BPTF: variants seen among roughly 807,000 people sequenced by gnomAD.
The protein encoded by BPTF is bromodomain PHD finger transcription factor.
In BPTF, 18 loss-of-function variants were observed where a neutral mutation model predicts 292.5. That is an observed-to-expected ratio of 0.06 (90% CI 0.04 to 0.09). The LOEUF is 0.09. Among genes scored for constraint, BPTF ranks in the 10% least tolerant of loss-of-function variants. The probability of loss-of-function intolerance (pLI) is 1.00; values close to 1 mark genes in which losing one functional copy is unlikely to be tolerated. For missense variants in BPTF, 2,726 were observed against 3,498.7 expected (o/e 0.78, Z 5.57); for synonymous variants, 1,225 against 1,251.9 (o/e 0.98, Z 0.45).
rs1446433472 is a variant in BPTF at position 67,854,939 on chromosome 17, G to A, written c.1436+177G>A. On this transcript the variant is annotated intron_variant, in intron 2 of 27. Transcript: ENST00000306378. The surrounding 1 kb of genome is among the most constrained non-coding windows in gnomAD (Gnocchi z 5.6). ...GTGCATTAAAATAGCTTTTAAGAAG[G>A]TAAAGGAAACATATATGAAAGAAGC... 6.6e-6 allele frequency among the ~76,000 whole-genome samples: 1 copy of A among 152,182 alleles called. No individual in the cohort carries two copies. The highest frequency in any genetic ancestry group is 1.5e-5 in the Non-Finnish European group (1 of 68,034).
chr17:67,960,907 C>T (rs1433316508), intron 24 of BPTF, among the ~76,000 whole-genome samples: 1 of 152,146 alleles, frequency 6.6e-6, no homozygotes, highest in Non-Finnish European at 1.5e-5. Context: ...GAGCTGTGTG[C>T]TGAATTAAAC....
Position 67,912,526 on chromosome 17 carries a change from C to G in BPTF, c.4642C>G (p.Pro1548Ala), listed in dbSNP as rs1288491301. 1.9e-6 allele frequency: 3 copies of G among 1,613,824 alleles called. No individual in the cohort carries two copies. Among genetic ancestry groups the G allele is most frequent in the Non-Finnish European group, 2.5e-6 (3 of 1,179,936 alleles). ...TSEVKKVTSSPITSEEESNLS... is the reference protein window; with the variant it reads ...TSEVKKVTSSAITSEEESNLS... ...AGAAGTTAAGAAAGTTACTTCATCA[C>G]CTATTACTTCTGAAGAGGAATCTAA... The change falls in exon 11 of 28, where the codon CCT (proline) becomes GCT (alanine). Residue 1548 changes from proline to alanine, a missense_variant. Transcript: ENST00000306378.
At chr17:67,968,796 AAAG>A (rs1196731330) in intron 26 of BPTF, among the ~76,000 whole-genome samples, 16 of 150,218 alleles carry the variant, frequency 1.1e-4, no homozygotes, top group South Asian at 2.1e-4. Context: ...CAAAAAAAAA[AAAG>A]AAAGAAAATT....
chr17:67,924,417 A>G, intron 14 of BPTF, 130 bp from the exon 15 acceptor site: 1 of 984,636 alleles, frequency 1.0e-6, no homozygotes, highest in Non-Finnish European at 1.5e-6. Flanking sequence ...GCACAACCAA[A>G]TGTTTTATTT....
At chr17:67,833,135 C>T (rs1008638784) in intron 1 of BPTF, among the ~76,000 whole-genome samples, 1 of 152,038 alleles carries the variant, frequency 6.6e-6, no homozygotes, top group African/African-American at 2.4e-5. Flanking sequence ...AAAGTGGAAT[C>T]ATATAATATA....
At chr17:67,973,383 AT>A (rs1435945048) in intron 26 of BPTF, among the ~76,000 whole-genome samples, 1 of 151,906 alleles carries the variant, frequency 6.6e-6, no homozygotes, top group Non-Finnish European at 1.5e-5. Flanking sequence ...AGAAAAAAAA[AT>A]AAAATATATA....
At chr17:67,955,117 G>C (rs575221863) in intron 23 of BPTF, among the ~76,000 whole-genome samples, 3 of 151,742 alleles carry the variant, frequency 2.0e-5, no homozygotes, top group African/African-American at 7.3e-5. Context: ...GTGAAACCTA[G>C]TCACTACTAA....
At chr17:67,928,660 C>G in intron 16 of BPTF, 59 bp downstream of exon 16, 1 of 1,497,760 alleles carries the variant, frequency 6.7e-7, no homozygotes, top group East Asian at 2.3e-5. Flanking sequence ...ATTTTCAACC[C>G]TTTAGCTACT....
At position 67,920,156 on chromosome 17, in the gene BPTF, A is replaced by G; in HGVS notation, c.5557+13A>G. 1 of 1,604,940 alleles carries G rather than the reference A, an allele frequency of 6.2e-7. No individual in the cohort carries two copies. Among genetic ancestry groups the G allele is most frequent in the South Asian group, 1.1e-5 (1 of 89,960 alleles). ...GAAACACCAAAAGGTAAGAAATAGA[A>G]TTCTATTCTTTCATGATTAACCTGT... On this transcript the variant is annotated intron_variant, in intron 13 of 27. Coordinates refer to ENST00000306378, the MANE Select transcript of BPTF (RefSeq NM_182641.4).
intron 24 of BPTF, 156 bp downstream of exon 24, chr17:67,960,031 A>G: frequency 3.4e-6 from 2 of 592,594 alleles, no homozygotes; most frequent in African/African-American, 1.9e-5. Context: ...TATTCTTACC[A>G]TTGACGCTAG....
At chr17:67,947,918 G>A in intron 22 of BPTF, 110 bp downstream of exon 22, 1 of 1,263,438 alleles carries the variant, frequency 7.9e-7, no homozygotes, top group Non-Finnish European at 1.1e-6. Context: ...CATTAAATGA[G>A]AACACTTGGC....
At chr17:67,898,158 C>T (rs1033513105) in intron 7 of BPTF, among the ~76,000 whole-genome samples, 10 of 152,190 alleles carry the variant, frequency 6.6e-5, no homozygotes, top group African/African-American at 2.2e-4. Flanking sequence ...TCACTTGAGC[C>T]CAGGAGTTTA....
intron 11 of BPTF, among the ~76,000 whole-genome samples, chr17:67,916,463 G>A (rs1004880477): frequency 3.3e-5 from 5 of 152,030 alleles, no homozygotes; most frequent in South Asian, 2.1e-4. Flanking sequence ...GGTGGCGGGC[G>A]CCTGTAATCC....
chr17:67,927,811 A>G (rs1411426795), intron 15 of BPTF, among the ~76,000 whole-genome samples: 2 of 152,200 alleles, frequency 1.3e-5, no homozygotes, highest in Non-Finnish European at 2.9e-5. Flanking sequence ...AGACATGAAA[A>G]TACTGCCTTC....
At chr17:67,886,825 T>A (rs989147250) in intron 4 of BPTF, among the ~76,000 whole-genome samples, 7 of 152,192 alleles carry the variant, frequency 4.6e-5, no homozygotes, top group African/African-American at 1.7e-4. Flanking sequence ...CATTTTTTTT[T>A]AAAGCTGCTG....
intron 21 of BPTF, 90 bp from the exon 22 acceptor site, chr17:67,947,636 C>T: frequency 1.0e-6 from 1 of 958,074 alleles, no homozygotes; most frequent in East Asian, 2.8e-5. Context: ...TAAAAAAACA[C>T]ATATGTGCTC....
chr17:67,954,198 CGTT>C (rs1242327608), intron 23 of BPTF, among the ~76,000 whole-genome samples: 14 of 150,800 alleles, frequency 9.3e-5, no homozygotes, highest in South Asian at 2.1e-4. Context: ...TTGTTGTTGT[CGTT>C]GTTTTTTTGT....
intron 23 of BPTF, among the ~76,000 whole-genome samples, chr17:67,950,613 G>T (rs544665129): frequency 2.6e-4 from 39 of 152,014 alleles, no homozygotes; most frequent in East Asian, 3.9e-4. Flanking sequence ...TGAGGCGAGC[G>T]GATCATTTGA....
At chr17:67,910,633 C>T (rs1598595528) in intron 10 of BPTF, among the ~76,000 whole-genome samples, 1 of 152,022 alleles carries the variant, frequency 6.6e-6, no homozygotes, top group African/African-American at 2.4e-5. Context: ...AACCCTGTCT[C>T]TACTGAAAAT....
Sources: gnomAD v4.1 joint callset for allele counts (sites outside exome capture counted in the v4.1 genomes callset) on GRCh38, gnomAD v4.1.1 for gene constraint, Gnocchi (gnomAD v3.1) non-coding constraint, MANE v1.5 for transcripts, NCBI Gene and HGNC (gene_info 2026-07-23, HGNC 2026-07-21) for gene names.